Variants in MAP4K3 observed in about 807,000 individuals in gnomAD.
MAP4K3 encodes MAPK/ERK kinase kinase kinase 3.
A neutral mutation model predicts 143.5 loss-of-function variants in MAP4K3; 94 were observed. The ratio of observed to expected loss-of-function variants is 0.65; its 90% CI spans 0.55 to 0.78. The LOEUF (loss-of-function observed/expected upper bound fraction) is 0.78, where lower values mean the gene tolerates loss of function less well. MAP4K3 is among the 30% of genes least tolerant of loss of function. The pLI is 0.00. For synonymous variants in MAP4K3, 416 were observed against 347.2 expected, an observed-to-expected ratio of 1.20 and a Z score of -2.20; for missense variants, 1,077 against 1,068.1, an observed-to-expected ratio of 1.01 and a Z score of -0.12.
At chr2:39,290,570 C>T (rs1381644533) in intron 18 of MAP4K3, among the ~76,000 whole-genome samples, 2 of 151,838 alleles carry the variant, frequency 1.3e-5, no homozygotes, top group Non-Finnish European at 2.9e-5. Flanking sequence ...AAGTTAAACA[C>T]CGCATGATCT....
chr2:39,332,011 AT>A (rs1683699903), intron 7 of MAP4K3, 22 bp from the exon 8 acceptor site: 1 of 1,388,038 alleles, frequency 7.2e-7, no homozygotes. Context: ...AATGAGAAAC[AT>A]TTAGGAAACT....
chr2:39,435,643 T>C (rs1665440801), intron 1 of MAP4K3, among the ~76,000 whole-genome samples: 1 of 152,264 alleles, frequency 6.6e-6, no homozygotes, highest in Non-Finnish European at 1.5e-5. Flanking sequence ...TTTAAATGGC[T>C]ATTTAATACT....
At chr2:39,363,196 CA>C (rs1665818350) in intron 2 of MAP4K3, among the ~76,000 whole-genome samples, 2 of 152,070 alleles carry the variant, frequency 1.3e-5, no homozygotes, top group African/African-American at 4.8e-5. Context: ...GCAACAAAAG[CA>C]AAAACAGACA....
At chr2:39,287,444 T>C (rs892638403) in intron 20 of MAP4K3, among the ~76,000 whole-genome samples, 1 of 152,078 alleles carries the variant, frequency 6.6e-6, no homozygotes, top group Non-Finnish European at 1.5e-5. Flanking sequence ...ATTACAGGCA[T>C]GCGCTACCAC....
At chr2:39,432,582 T>G (rs1665323240) in intron 1 of MAP4K3, among the ~76,000 whole-genome samples, 1 of 152,212 alleles carries the variant, frequency 6.6e-6, no homozygotes. Context: ...TTCTAAATGC[T>G]TAAGGTCTTC....
chr2:39,428,307 GT>G (rs1665161671), intron 1 of MAP4K3, among the ~76,000 whole-genome samples: 1 of 152,188 alleles, frequency 6.6e-6, no homozygotes, highest in African/African-American at 2.4e-5. Flanking sequence ...CTCAAAAGCT[GT>G]GAGTTTTGCA....
chr2:39,324,227 TA>T (rs1030636295), intron 12 of MAP4K3, among the ~76,000 whole-genome samples: 2 of 151,984 alleles, frequency 1.3e-5, no homozygotes, highest in Admixed American at 1.3e-4. Flanking sequence ...GCCAATGTGG[TA>T]AAACCCCATC....
intron 1 of MAP4K3, among the ~76,000 whole-genome samples, chr2:39,417,121 C>G (rs970045569): frequency 2.6e-5 from 4 of 151,796 alleles, no homozygotes; most frequent in African/African-American, 2.4e-5. Flanking sequence ...CAACTTGTAA[C>G]AGAGTTGTGA....
chr2:39,322,187 C>T (rs1683331387), intron 12 of MAP4K3, among the ~76,000 whole-genome samples: 1 of 152,058 alleles, frequency 6.6e-6, no homozygotes, highest in South Asian at 2.1e-4. Context: ...AGCTAGCTAG[C>T]CATAGAGCTA....
At chr2:39,383,862 T>C (rs1211144615) in intron 1 of MAP4K3, among the ~76,000 whole-genome samples, 1 of 152,142 alleles carries the variant, frequency 6.6e-6, no homozygotes, top group Non-Finnish European at 1.5e-5. Context: ...TCCAGCACTT[T>C]GCGAGGCAAA....
chr2:39,312,191 T>A (rs1159531004), intron 13 of MAP4K3, among the ~76,000 whole-genome samples: 1 of 152,246 alleles, frequency 6.6e-6, no homozygotes. Flanking sequence ...ACAGATTAAC[T>A]GTACTACATT....
intron 26 of MAP4K3, among the ~76,000 whole-genome samples, chr2:39,268,689 G>C (rs1229268136): frequency 1.6e-5 from 2 of 125,372 alleles, no homozygotes; most frequent in Non-Finnish European, 1.6e-5. Context: ...GCCCAGGCTG[G>C]AGTGCAGTGG....
intron 28 of MAP4K3, among the ~76,000 whole-genome samples, chr2:39,264,493 T>C (rs1402909761): frequency 3.3e-5 from 5 of 152,172 alleles, no homozygotes; most frequent in African/African-American, 4.8e-5. Context: ...CTTAATACTA[T>C]AAAATTTAGG....
intron 6 of MAP4K3, among the ~76,000 whole-genome samples, chr2:39,333,887 C>T (rs1683767261): frequency 6.6e-6 from 1 of 151,976 alleles, no homozygotes; most frequent in South Asian, 2.1e-4. Context: ...ACTATCACCA[C>T]ACTATAATGT....
intron 12 of MAP4K3, 90 bp from the exon 13 acceptor site, chr2:39,315,478 C>A: frequency 9.3e-6 from 8 of 861,296 alleles, no homozygotes; most frequent in Admixed American, 2.7e-5. Flanking sequence ...AAAAATACTT[C>A]ATTTTAAGTA....
intron 10 of MAP4K3, 40 bp downstream of exon 10, chr2:39,325,859 C>T: frequency 1.3e-6 from 2 of 1,552,808 alleles, no homozygotes; most frequent in Non-Finnish European, 8.8e-7. Flanking sequence ...TCATTTTTTG[C>T]TCATCTCACC....
chr2:39,272,560 C>CA lies in MAP4K3; in HGVS notation c.1795-19dup. 6.3e-7 allele frequency: 1 copy of CA among 1,599,624 alleles called. No individual in the cohort carries two copies. The highest frequency in any genetic ancestry group is 8.6e-7 in the Non-Finnish European group (1 of 1,167,504). ...GGGAATAGCTGATTAAAAAAAGGCA[C>CA]AAAGTTTACAAAGAATAATACATAA... On this transcript the variant is annotated intron_variant, in intron 24 of 33. Transcript: ENST00000263881.
chr2:39,428,203 G>C (rs1665158188), intron 1 of MAP4K3, among the ~76,000 whole-genome samples: 1 of 152,086 alleles, frequency 6.6e-6, no homozygotes, highest in Non-Finnish European at 1.5e-5. Flanking sequence ...GTTCCTCAGG[G>C]TAAGAATTTT....
chr2:39,378,141 A>C lies in MAP4K3; in HGVS notation c.97-18T>G. ...TTCCGTGCCTAAAAGAAAGAGGAAA[A>C]AAGGATTATTGTGAAGAAAGCTTTC... On this transcript the variant is annotated intron_variant, in intron 1 of 33. Transcript: ENST00000263881. 6.7e-7 allele frequency: 1 copy of C among 1,485,932 alleles called. No homozygotes were observed. The highest frequency in any genetic ancestry group is 9.2e-7 in the Non-Finnish European group (1 of 1,081,826). The allele number at this position is 1,485,932 out of a possible 1,614,324, so 92.0% of individuals were successfully genotyped here.
Sources: gnomAD v4.1 joint callset for allele counts (sites outside exome capture counted in the v4.1 genomes callset) on GRCh38, gnomAD v4.1.1 for gene constraint, MANE v1.5 for transcripts, NCBI Gene and HGNC (gene_info 2026-07-23, HGNC 2026-07-21) for gene names.